MIGA1: variants seen among roughly 807,000 people sequenced by gnomAD.
The protein encoded by MIGA1 is family with sequence similarity 73, member A.
In MIGA1, 58 loss-of-function variants were observed where a neutral mutation model predicts 82.0. That is an observed-to-expected ratio of 0.71 (90% CI 0.57 to 0.88). The LOEUF (loss-of-function observed/expected upper bound fraction) is 0.88. Ranked by LOEUF, MIGA1 falls within the 40% of genes least tolerant of loss-of-function variation. The pLI, the probability that MIGA1 is intolerant of heterozygous loss-of-function variation, is 0.00. For synonymous variants in MIGA1, 249 were observed against 253.6 expected, an observed-to-expected ratio of 0.98 and a Z score of 0.17; for missense variants, 751 against 749.1, an observed-to-expected ratio of 1.00 and a Z score of -0.03.
At chr1:77,818,872 G>A (rs1683683699) in intron 7 of MIGA1, among the ~76,000 whole-genome samples, 1 of 151,980 alleles carries the variant, frequency 6.6e-6, no homozygotes, top group African/African-American at 2.4e-5. Flanking sequence ...CTGAGGTCGG[G>A]AGTTCGAGAC....
intron 7 of MIGA1, among the ~76,000 whole-genome samples, chr1:77,840,678 G>A (rs1684597073): frequency 6.6e-6 from 1 of 152,136 alleles, no homozygotes; most frequent in Non-Finnish European, 1.5e-5. Flanking sequence ...CGGGCGTGGT[G>A]GCACATGCCT....
At chr1:77,865,256 A>G (rs1685618934) in intron 13 of MIGA1, among the ~76,000 whole-genome samples, 2 of 150,970 alleles carry the variant, frequency 1.3e-5, no homozygotes, top group Admixed American at 1.3e-4. Flanking sequence ...TCAAACTGTT[A>G]GCTCTATTCA....
At chr1:77,801,284 G>T in intron 2 of MIGA1, 47 bp from the exon 3 acceptor site, 2 of 1,425,132 alleles carry the variant, frequency 1.4e-6, no homozygotes, top group South Asian at 2.9e-5. Flanking sequence ...TCTTTTAAGT[G>T]AACAAATTAA....
intron 14 of MIGA1, 61 bp downstream of exon 14, chr1:77,866,452 C>G: frequency 6.6e-7 from 1 of 1,508,070 alleles, no homozygotes; most frequent in Non-Finnish European, 9.2e-7. Context: ...GTCAAAGCAG[C>G]TTCTGAGTCA....
chr1:77,863,111 A>G (rs1685532899), intron 12 of MIGA1, among the ~76,000 whole-genome samples: 1 of 152,206 alleles, frequency 6.6e-6, no homozygotes, highest in African/African-American at 2.4e-5. Flanking sequence ...CAGCAACCTG[A>G]GACTCATCCT....
In MIGA1 at chr1:77,783,288, C is replaced by G. The variant is rs1162346972; in HGVS notation, c.132C>G (p.Ser44=). Reference sequence around the variant, plus strand: ...AAACAGTAAGTGAATCACAGTTTTCCTTGAAGACAGCAGCGCTAAGAGTGT... The same window carrying G: ...AAACAGTAAGTGAATCACAGTTTTCGTTGAAGACAGCAGCGCTAAGAGTGT... The change falls in exon 2 of 16, where the codon TCC becomes TCG. Residue 44 remains serine, a synonymous_variant. Coordinates refer to ENST00000370791, the MANE Select transcript of MIGA1 (RefSeq NM_198549.4). The G allele has an allele frequency of 6.3e-7, 1 of 1,595,776 alleles. No individual in the cohort carries two copies. The highest frequency in any genetic ancestry group is 8.6e-7 in the Non-Finnish European group (1 of 1,167,646).
At chr1:77,806,901 T>C in intron 4 of MIGA1, 74 bp from the exon 5 acceptor site, 3 of 1,102,848 alleles carry the variant, frequency 2.7e-6, no homozygotes, top group East Asian at 2.5e-5. Context: ...ATAAAAATAA[T>C]TTGTAAATAT....
chr1:77,835,949 GAAAAAAGAA>G (rs1344313748), intron 7 of MIGA1, among the ~76,000 whole-genome samples: 5 of 150,444 alleles, frequency 3.3e-5, no homozygotes, highest in Admixed American at 6.6e-5. Context: ...CTCTGTTTCA[GAAAAAAGAA>G]AAAAAAGAAA....
intron 5 of MIGA1, among the ~76,000 whole-genome samples, chr1:77,807,452 C>T (rs1273872298): frequency 6.6e-6 from 1 of 152,156 alleles, no homozygotes; most frequent in Non-Finnish European, 1.5e-5. Context: ...GCGTGAGCCA[C>T]CACGGTTGGT....
chr1:77,852,797 TCTC>T (rs2101915490), intron 8 of MIGA1, among the ~76,000 whole-genome samples: 1 of 152,254 alleles, frequency 6.6e-6, no homozygotes, highest in South Asian at 2.1e-4. Context: ...TTCAAGTGAT[TCTC>T]CTGTGTCAGC....
At chr1:77,828,977 C>T (rs1319600250) in intron 7 of MIGA1, among the ~76,000 whole-genome samples, 1 of 152,098 alleles carries the variant, frequency 6.6e-6, no homozygotes, top group East Asian at 1.9e-4. Flanking sequence ...GTACCTGGTC[C>T]CAGATATTTA....
At chr1:77,810,410 T>C (rs2101786407) in intron 5 of MIGA1, among the ~76,000 whole-genome samples, 1 of 151,742 alleles carries the variant, frequency 6.6e-6, no homozygotes, top group South Asian at 2.1e-4. Context: ...TCAAAGCAGT[T>C]TGACACTACC....
At chr1:77,788,965 G>C (rs1261891585) in intron 2 of MIGA1, among the ~76,000 whole-genome samples, 1 of 152,132 alleles carries the variant, frequency 6.6e-6, no homozygotes, top group African/African-American at 2.4e-5. Flanking sequence ...GATTTTGATA[G>C]AGACTGCATT....
chr1:77,830,169 G>A (rs1232520193), intron 7 of MIGA1, among the ~76,000 whole-genome samples: 8 of 152,038 alleles, frequency 5.3e-5, no homozygotes, highest in East Asian at 3.8e-4. Context: ...TTATTATATT[G>A]TATTTATAGG....
At chr1:77,787,371 T>G (rs896095086) in intron 2 of MIGA1, among the ~76,000 whole-genome samples, 6 of 151,922 alleles carry the variant, frequency 3.9e-5, no homozygotes, top group African/African-American at 7.3e-5. Flanking sequence ...GAAATGTATA[T>G]TTTAGTCCTT....
intron 8 of MIGA1, among the ~76,000 whole-genome samples, chr1:77,857,000 TG>T (rs1470539342): frequency 6.6e-6 from 1 of 152,204 alleles, no homozygotes; most frequent in African/African-American, 2.4e-5. Flanking sequence ...GACTTTTTGA[TG>T]TAGGCGTTTA....
At chr1:77,823,742 C>A (rs1452166809) in intron 7 of MIGA1, among the ~76,000 whole-genome samples, 3 of 151,942 alleles carry the variant, frequency 2.0e-5, no homozygotes, top group Non-Finnish European at 4.4e-5. Context: ...TTTTTTAATT[C>A]TTTTGTAGAG....
intron 2 of MIGA1, among the ~76,000 whole-genome samples, chr1:77,793,896 C>T (rs1682544641): frequency 2.0e-5 from 3 of 149,988 alleles, no homozygotes; most frequent in South Asian, 2.1e-4. Flanking sequence ...AAGCAATTCT[C>T]GTGCTTCAGC....
intron 8 of MIGA1, among the ~76,000 whole-genome samples, chr1:77,844,141 TAGATAG>T (rs1557924424): frequency 4.9e-5 from 6 of 121,456 alleles, no homozygotes; most frequent in African/African-American, 1.5e-4. Flanking sequence ...TATATATAGA[TAGATAG>T]ATAGATAGAT....
Sources: allele counts gnomAD v4.1 joint callset (sites outside exome capture counted in the v4.1 genomes callset), GRCh38; gene constraint gnomAD v4.1.1; transcripts MANE v1.5; gene names NCBI Gene and HGNC (gene_info 2026-07-23, HGNC 2026-07-21).